NAP1L4: variants seen among roughly 807,000 people sequenced by gnomAD.
The protein encoded by NAP1L4 is nucleosome assembly protein 1 like 4, also known as nucleosome assembly protein 1-like 4.
A neutral mutation model predicts 58.2 loss-of-function variants in NAP1L4; 15 were observed. That is an observed-to-expected ratio of 0.26 (90% CI 0.17 to 0.40). The LOEUF (loss-of-function observed/expected upper bound fraction) is 0.40. NAP1L4 is among the 10% of genes least tolerant of loss of function. The pLI is 1.00. For missense variants in NAP1L4, 384 were observed against 451.1 expected (o/e 0.85, Z 1.35); for synonymous variants, 171 against 155.6 (o/e 1.10, Z -0.74).
At chr11:2,950,553 G>C (rs1846173475) in intron 14 of NAP1L4, among the ~76,000 whole-genome samples, 1 of 152,218 alleles carries the variant, frequency 6.6e-6, no homozygotes, top group Non-Finnish European at 1.5e-5. Flanking sequence ...TAAGAGGCAA[G>C]TGAACTACAC....
chr11:2,955,925 C>G lies in NAP1L4; in HGVS notation c.893-159G>C. 1.5e-6 allele frequency: 1 copy of G among 655,388 alleles called. No homozygotes were observed. Among genetic ancestry groups the G allele is most frequent in the Admixed American group, 2.8e-5 (1 of 35,336 alleles). 40.6% of individuals were successfully genotyped at this position (655,388 alleles called of 1,614,324 possible). A position where few individuals can be genotyped will look rare whatever the true frequency, so the allele number is the denominator to read the frequency against. ...AAGCCTTGCATCTCCTCACAGACAT[C>G]TTTGCAAGCTCCATCCACCACTTCT... is the stretch of plus-strand genomic sequence containing the variant. On this transcript the variant is annotated intron_variant, in intron 10 of 15. Transcript: ENST00000380542. The surrounding 1 kb of genome is among the most constrained non-coding windows in gnomAD (Gnocchi z 4.2).
chr11:2,979,091 C>G, intron 2 of NAP1L4, 116 bp downstream of exon 2: 5 of 1,064,202 alleles, frequency 4.7e-6, no homozygotes, highest in Non-Finnish European at 7.0e-6. Context: ...AATGAGCCAT[C>G]AGCTAGACGC....
chr11:2,975,681 T>C (rs1393623205), intron 4 of NAP1L4, among the ~76,000 whole-genome samples: 3 of 151,680 alleles, frequency 2.0e-5, no homozygotes, highest in Non-Finnish European at 2.9e-5. Flanking sequence ...CACAGGCTCA[T>C]GTGGGTAAGT....
rs1846082952 is a variant in NAP1L4, at chr11:2,948,996, T to C, written c.*32+231A>G. ...TCAGCAATGAAAATTACACCCAAGTTACATCTTTGCTACTTGGTTAGCAAG... is the reference window on the plus strand; with the variant it reads ...TCAGCAATGAAAATTACACCCAAGTCACATCTTTGCTACTTGGTTAGCAAG... On this transcript the variant is annotated intron_variant, in intron 15 of 15. Transcript: ENST00000380542. The surrounding 1 kb of genome is among the most constrained non-coding windows in gnomAD (Gnocchi z 5.1). Among the ~76,000 whole-genome samples, 1 of 152,196 alleles carries C rather than the reference T, an allele frequency of 6.6e-6. No homozygotes were observed. The highest frequency in any genetic ancestry group is 6.5e-5 in the Admixed American group (1 of 15,282).
At position 2,971,409 on chromosome 11, in the gene NAP1L4, T is replaced by G; in HGVS notation, c.402+39A>C. ...TAAAAAATGCTTATTTTTAACAGTA[T>G]TAAAACAGAACATGAGTCACATGTT... is the stretch of plus-strand genomic sequence containing the variant. On this transcript the variant is annotated intron_variant, in intron 6 of 15. Coordinates refer to ENST00000380542, the MANE Select transcript of NAP1L4 (RefSeq NM_005969.4). This position sits in a 1 kb window ranked among gnomAD's most constrained non-coding sequence, Gnocchi z 4.2. 6.4e-7 allele frequency: 1 copy of G among 1,573,466 alleles called. No individual in the cohort carries two copies. The highest frequency in any genetic ancestry group is 8.7e-7 in the Non-Finnish European group (1 of 1,146,446).
At chr11:2,979,367 T>G (rs1189414855) in intron 1 of NAP1L4, 130 bp from the exon 2 acceptor site, 2 of 698,626 alleles carry the variant, frequency 2.9e-6, no homozygotes, top group Non-Finnish European at 4.8e-6. Flanking sequence ...TCTAGAGTGA[T>G]GAAAATGTTC....
rs867910183 is a variant in NAP1L4, at chr11:2,951,698, G to C, written c.1065+82C>G. On this transcript the variant is annotated intron_variant, in intron 13 of 15. Transcript: ENST00000380542. The surrounding 1 kb of genome is among the most constrained non-coding windows in gnomAD (Gnocchi z 4.0). Reference sequence around the variant, plus strand: ...CAAAAAATGGGTTTAACACAGCCCTGTGAGTCCATAACCTTCAAGCAGAGA... The same window carrying C: ...CAAAAAATGGGTTTAACACAGCCCTCTGAGTCCATAACCTTCAAGCAGAGA... The C allele has an allele frequency of 7.0e-7, 1 of 1,434,534 alleles. No homozygotes were observed. The highest frequency in any genetic ancestry group is 1.7e-4 in the Middle Eastern group (1 of 5,732). 88.9% of individuals were successfully genotyped at this position (1,434,534 alleles called of 1,614,324 possible).
rs1182613891 is a variant in NAP1L4 at position 2,959,630 on chromosome 11, A to G, written c.746+140T>C. 2 of 1,000,144 alleles carry G rather than the reference A, an allele frequency of 2.0e-6. No individual in the cohort carries two copies. The highest frequency in any genetic ancestry group is 3.3e-5 in the African/African-American group (2 of 61,110). The allele number at this position is 1,000,144 out of a possible 1,614,324, so 62.0% of individuals were successfully genotyped here. ...CATTCCCAAACTGAAAGACTATTGA[A>G]ATATACATCTACCAGGCTTTTAGGC... is the stretch of plus-strand genomic sequence containing the variant. On this transcript the variant is annotated intron_variant, in intron 9 of 15. Coordinates refer to ENST00000380542, the MANE Select transcript of NAP1L4 (RefSeq NM_005969.4). The surrounding 1 kb of genome is among the most constrained non-coding windows in gnomAD (Gnocchi z 4.9).
intron 15 of NAP1L4, 96 bp from the exon 16 acceptor site, chr11:2,945,742 ATTCTCATTG>A: frequency 2.0e-6 from 2 of 1,012,964 alleles, no homozygotes; most frequent in Admixed American, 2.9e-5. Context: ...GAATGAGTTC[ATTCTCATTG>A]AAAAAAATGG....
intron 4 of NAP1L4, among the ~76,000 whole-genome samples, chr11:2,974,262 C>T (rs948228766): frequency 6.6e-6 from 1 of 152,110 alleles, no homozygotes; most frequent in East Asian, 1.9e-4. Flanking sequence ...GGATGTTAAA[C>T]AAACTGGACC....
chr11:2,951,464 T>TA lies in NAP1L4; in HGVS notation c.1066-150dup. On this transcript the variant is annotated intron_variant, in intron 13 of 15. Coordinates refer to ENST00000380542, the MANE Select transcript of NAP1L4 (RefSeq NM_005969.4). This position sits in a 1 kb window ranked among gnomAD's most constrained non-coding sequence, Gnocchi z 4.0. Reference sequence around the variant, plus strand: ...TGACTCATCACTTCCTTTGGACACTTAGAATTATTTCTAGGTATCTTTTTG... The same window carrying TA: ...TGACTCATCACTTCCTTTGGACACTTAAGAATTATTTCTAGGTATCTTTTTG... 1.4e-6 allele frequency: 1 copy of TA among 728,924 alleles called. No homozygotes were observed. Among genetic ancestry groups the TA allele is most frequent in the East Asian group, 2.5e-5 (1 of 40,164 alleles). The allele number at this position is 728,924 out of a possible 1,614,324, so 45.2% of individuals were successfully genotyped here.
At chr11:2,983,072 G>A (rs1848420841) in intron 1 of NAP1L4, among the ~76,000 whole-genome samples, 1 of 150,768 alleles carries the variant, frequency 6.6e-6, no homozygotes, top group Non-Finnish European at 1.5e-5. Context: ...CAAGTGACAA[G>A]CAACAGCTTA....
intron 14 of NAP1L4, chr11:2,950,887 C>A (rs1173339807): frequency 1.1e-5 from 2 of 186,642 alleles, no homozygotes; most frequent in African/African-American, 2.3e-5. Flanking sequence ...ACAAAAAGAG[C>A]CCCAAAGTCC....
Position 2,971,705 on chromosome 11 carries a change from G to A in NAP1L4, c.316-171C>T, listed in dbSNP as rs1262372295. ...AAGAAAAATATTAAATGATTCCCTG[G>A]GTAAACCTGGATGTTTCACCTAAAG... On this transcript the variant is annotated intron_variant, in intron 5 of 15. Coordinates refer to ENST00000380542, the MANE Select transcript of NAP1L4 (RefSeq NM_005969.4). The surrounding 1 kb of genome is among the most constrained non-coding windows in gnomAD (Gnocchi z 4.2). Among the ~76,000 whole-genome samples, 1 of 151,882 alleles carries A rather than the reference G, an allele frequency of 6.6e-6. No homozygotes were observed. The highest frequency in any genetic ancestry group is 1.5e-5 in the Non-Finnish European group (1 of 67,954).
At chr11:2,956,607 ATGAG>A in intron 10 of NAP1L4, among the ~76,000 whole-genome samples, 2 of 152,344 alleles carry the variant, frequency 1.3e-5, no homozygotes, top group Middle Eastern at 6.8e-3. Context: ...AACACCACCC[ATGAG>A]TGAGGCAGAG....
chr11:2,975,984 T>C lies in NAP1L4; in HGVS notation c.173+40A>G, dbSNP rs1432717740. On this transcript the variant is annotated intron_variant, in intron 4 of 15. Transcript: ENST00000380542. ...GGTTTTTCCTTTATTTTCCTTTTGT[T>C]TCTCCAAATTGCATGAGACCCTATT... The C allele has an allele frequency of 3.3e-6, 5 of 1,532,414 alleles. No individual in the cohort carries two copies. In the Admixed American group the frequency reaches 8.1e-5, roughly 25 times the overall value. The allele number at this position is 1,532,414 out of a possible 1,614,324, so 94.9% of individuals were successfully genotyped here.
chr11:2,988,310 T>C (rs1848764729), intron 1 of NAP1L4, among the ~76,000 whole-genome samples: 1 of 152,206 alleles, frequency 6.6e-6, no homozygotes, highest in African/African-American at 2.4e-5. Flanking sequence ...TAAAAGATCT[T>C]GTCATCTTGT....
chr11:2,958,338 T>A, intron 10 of NAP1L4, 61 bp downstream of exon 10: 4 of 1,561,448 alleles, frequency 2.6e-6, no homozygotes, highest in Non-Finnish European at 3.5e-6. Flanking sequence ...TAGGAATCTA[T>A]CAGGTGACCA....
intron 8 of NAP1L4, among the ~76,000 whole-genome samples, chr11:2,962,679 A>T (rs1846998859): frequency 6.6e-6 from 1 of 152,198 alleles, no homozygotes; most frequent in African/African-American, 2.4e-5. Flanking sequence ...GAAAAAAAAA[A>T]ATTACTGGTC....
Sources: allele counts gnomAD v4.1 joint callset (sites outside exome capture counted in the v4.1 genomes callset), GRCh38; gene constraint gnomAD v4.1.1; non-coding constraint Gnocchi (gnomAD v3.1); transcripts MANE v1.5; gene names NCBI Gene and HGNC (gene_info 2026-07-23, HGNC 2026-07-21).